Variants in AKAP13 observed in about 807,000 individuals in gnomAD.
The protein encoded by AKAP13 is A-kinase anchor protein 13.
Under a neutral mutation model 264.5 loss-of-function variants are expected in AKAP13, and 80 were observed. The observed-to-expected ratio is 0.30, with a 90% CI of 0.25 to 0.36. The LOEUF (loss-of-function observed/expected upper bound fraction) is 0.36, where lower values mean the gene tolerates loss of function less well. Among genes scored for constraint, AKAP13 ranks in the 10% least tolerant of loss-of-function variants. AKAP13 has a pLI of 1.00. For missense variants in AKAP13, 3,712 were observed against 3,435.2 expected, an observed-to-expected ratio of 1.08 and a Z score of -2.01; for synonymous variants, 1,380 against 1,250.2, an observed-to-expected ratio of 1.10 and a Z score of -2.19.
chr15:85,460,371 T>C (rs1455119729), intron 1 of AKAP13, among the ~76,000 whole-genome samples: 2 of 152,234 alleles, frequency 1.3e-5, no homozygotes, highest in Non-Finnish European at 2.9e-5. Context: ...TTACCCATCA[T>C]TGTAATGCGT....
chr15:85,578,564 G>A lies in AKAP13; in HGVS notation c.862-366G>A, dbSNP rs192755711. 6.2e-3 allele frequency among the ~76,000 whole-genome samples: 944 copies of A among 152,014 alleles called. 7 individuals are homozygous for A. The highest frequency in any genetic ancestry group is 8.2e-3 in the Non-Finnish European group (560 of 67,980). ...GTTTCTCCATGTTGAGGCTGGTCTC[G>A]AACTCCTGACCTCAGGTGATCTGCC... On this transcript the variant is annotated intron_variant, in intron 6 of 36. Coordinates refer to ENST00000394518, the MANE Select transcript of AKAP13 (RefSeq NM_007200.5).
intron 17 of AKAP13, among the ~76,000 whole-genome samples, chr15:85,700,490 C>T (rs770897458): frequency 3.3e-5 from 5 of 152,096 alleles, no homozygotes; most frequent in African/African-American, 9.7e-5. Flanking sequence ...CAGAGGTACC[C>T]GTGGAGAATC....
intron 10 of AKAP13, among the ~76,000 whole-genome samples, chr15:85,647,907 G>C (rs1424020282): frequency 6.6e-6 from 1 of 151,908 alleles, no homozygotes; most frequent in East Asian, 1.9e-4. Context: ...CAGCCTGGGC[G>C]ACAGAGCGAG....
chr15:85,596,935 A>G (rs1460555968), intron 8 of AKAP13, among the ~76,000 whole-genome samples: 1 of 152,190 alleles, frequency 6.6e-6, no homozygotes, highest in Non-Finnish European at 1.5e-5. Context: ...GAGGCAGAAA[A>G]AAAACATGGT....
rs1467895169 is a variant in AKAP13 at position 85,498,199 on chromosome 15, G to GATATAGATATATATATATATATATAT, written c.33+12451_33+12452insGATATATATATATATATATATATATA. Among the ~76,000 whole-genome samples, 37 of 133,080 alleles carry GATATAGATATATATATATATATATAT rather than the reference G, an allele frequency of 2.8e-4. No homozygotes were observed. The East Asian group carries it at 2.8e-3, about 10-fold the overall frequency. 87.3% of individuals were successfully genotyped at this position (133,080 alleles called of 152,430 possible). ...TGGTAGTAAGGATTAAATGAAGTGAGATATATATATATATATATATATATA... is the reference window on the plus strand; with the variant it reads ...TGGTAGTAAGGATTAAATGAAGTGAGATATAGATATATATATATATATATATATATATATATATATATATATATATA... On this transcript the variant is annotated intron_variant, in intron 2 of 36. Coordinates refer to ENST00000394518, the MANE Select transcript of AKAP13 (RefSeq NM_007200.5).
chr15:85,397,444 G>A (rs1378972146), intron 1 of AKAP13, among the ~76,000 whole-genome samples: 1 of 152,100 alleles, frequency 6.6e-6, no homozygotes, highest in Non-Finnish European at 1.5e-5. Flanking sequence ...TAAAGGTAAT[G>A]GTTCATCTGT....
chr15:85,433,633 G>A (rs1473427049), intron 1 of AKAP13, among the ~76,000 whole-genome samples: 1 of 152,084 alleles, frequency 6.6e-6, no homozygotes, highest in Non-Finnish European at 1.5e-5. Flanking sequence ...ACACATGGAT[G>A]TTTGTGTAAG....
At chr15:85,587,042 T>C (rs2079390051) in intron 8 of AKAP13, among the ~76,000 whole-genome samples, 1 of 152,192 alleles carries the variant, frequency 6.6e-6, no homozygotes, top group Non-Finnish European at 1.5e-5. Context: ...TCAAATAAAG[T>C]GCATAGGTCA....
At chr15:85,419,691 T>C (rs185688811) in intron 1 of AKAP13, among the ~76,000 whole-genome samples, 4 of 152,304 alleles carry the variant, frequency 2.6e-5, no homozygotes, top group Middle Eastern at 3.4e-3. Context: ...TTCAAAATAA[T>C]GACAGCTTTT....
chr15:85,621,620 A>G (rs1171819203), intron 8 of AKAP13: 1 of 152,216 alleles, frequency 6.6e-6, no homozygotes, highest in Non-Finnish European at 1.5e-5. Context: ...CTAGGTGGGC[A>G]TGGAAAGCCC....
At chr15:85,566,343 A>G (rs2078604565) in intron 5 of AKAP13, among the ~76,000 whole-genome samples, 1 of 152,318 alleles carries the variant, frequency 6.6e-6, no homozygotes, top group South Asian at 2.1e-4. Context: ...TGCCACACAT[A>G]TAAGGGTAAA....
chr15:85,721,428 A>G (rs935678679), intron 23 of AKAP13, among the ~76,000 whole-genome samples: 2 of 152,250 alleles, frequency 1.3e-5, no homozygotes, highest in Non-Finnish European at 2.9e-5. Flanking sequence ...AACTGCATAC[A>G]GAAATTCATT....
chr15:85,669,695 C>A (rs376558333), intron 13 of AKAP13, 27 bp from the exon 14 acceptor site: 1 of 1,488,606 alleles, frequency 6.7e-7, no homozygotes, highest in South Asian at 1.1e-5. Flanking sequence ...ATGCTTACAA[C>A]GTGTTCTTCA....
At chr15:85,393,803 A>G (rs1265727169) in intron 1 of AKAP13, among the ~76,000 whole-genome samples, 1 of 152,228 alleles carries the variant, frequency 6.6e-6, no homozygotes, top group Non-Finnish European at 1.5e-5. Context: ...TATATATGCC[A>G]TAAGTCACAT....
intron 1 of AKAP13, among the ~76,000 whole-genome samples, chr15:85,400,921 G>C (rs1203428637): frequency 6.6e-6 from 1 of 150,784 alleles, no homozygotes; most frequent in East Asian, 1.9e-4. Context: ...GGGTGCAGTG[G>C]CACAATCTTG....
intron 1 of AKAP13, among the ~76,000 whole-genome samples, chr15:85,442,204 G>A (rs936541523): frequency 4.6e-5 from 7 of 151,282 alleles, no homozygotes; most frequent in African/African-American, 1.7e-4. Context: ...GAGGTCAGGA[G>A]TTCGAGACCA....
intron 8 of AKAP13, among the ~76,000 whole-genome samples, chr15:85,620,546 C>CTT (rs2081137227): frequency 6.6e-6 from 1 of 152,076 alleles, no homozygotes; most frequent in Non-Finnish European, 1.5e-5. Context: ...TGCCTGGTCT[C>CTT]TTTCTCTGTC....
chr15:85,611,004 T>A (rs959724855), intron 8 of AKAP13, among the ~76,000 whole-genome samples: 9 of 142,292 alleles, frequency 6.3e-5, no homozygotes, highest in African/African-American at 2.4e-4. Context: ...CCAAAAAACC[T>A]TAAGTTTTCC....
chr15:85,605,883 T>G (rs890231493), intron 8 of AKAP13, among the ~76,000 whole-genome samples: 11 of 152,186 alleles, frequency 7.2e-5, no homozygotes, highest in African/African-American at 2.6e-4. Context: ...AAAACAGCAT[T>G]AAGGGTAGAC....
Sources: allele counts gnomAD v4.1 joint callset (sites outside exome capture counted in the v4.1 genomes callset), GRCh38; gene constraint gnomAD v4.1.1; transcripts MANE v1.5; gene names NCBI Gene and HGNC (gene_info 2026-07-23, HGNC 2026-07-21).